The following SH3D19 variants were observed in gnomAD, a reference collection of about 807,000 sequenced individuals.
SH3D19 encodes SH3 domain containing 19.
SH3D19 carries 58 observed loss-of-function variants against 112.1 expected under a neutral mutation model. That is an observed-to-expected ratio of 0.52 (90% CI 0.42 to 0.64). The LOEUF (loss-of-function observed/expected upper bound fraction) is 0.64. Among genes scored for constraint, SH3D19 ranks in the 30% least tolerant of loss-of-function variants. The pLI is 0.00. For synonymous variants in SH3D19, 391 were observed against 448.5 expected, an observed-to-expected ratio of 0.87 and a Z score of 1.62; for missense variants, 1,090 against 1,263.4, an observed-to-expected ratio of 0.86 and a Z score of 2.08.
intron 1 of SH3D19, among the ~76,000 whole-genome samples, chr4:151,255,354 G>T (rs1296960083): frequency 1.3e-5 from 2 of 150,810 alleles, no homozygotes; most frequent in Non-Finnish European, 3.0e-5. Context: ...AGACAGGGTC[G>T]CGGCCGGGCA....
chr4:151,141,943 C>T (rs1339549224), intron 12 of SH3D19, among the ~76,000 whole-genome samples: 3 of 152,186 alleles, frequency 2.0e-5, no homozygotes, highest in Non-Finnish European at 4.4e-5. Context: ...GTATGGATAT[C>T]ACTGGCAATG....
chr4:151,164,944 C>A (rs1036691898), intron 8 of SH3D19, among the ~76,000 whole-genome samples: 4 of 152,214 alleles, frequency 2.6e-5, no homozygotes, highest in African/African-American at 7.2e-5. Flanking sequence ...CGAATTCACA[C>A]ATAGCCATAT....
At chr4:151,237,061 C>G (rs1470041551) in intron 1 of SH3D19, among the ~76,000 whole-genome samples, 1 of 152,212 alleles carries the variant, frequency 6.6e-6, no homozygotes, top group African/African-American at 2.4e-5. Flanking sequence ...AACCTTGCTG[C>G]TGCTCACCCT....
At chr4:151,307,747 G>T (rs1203475274) in intron 1 of SH3D19, among the ~76,000 whole-genome samples, 1 of 152,228 alleles carries the variant, frequency 6.6e-6, no homozygotes, top group African/African-American at 2.4e-5. Context: ...AAAGAAACAG[G>T]AAAACGTGAA....
chr4:151,220,535 G>A (rs1297946041), intron 2 of SH3D19, among the ~76,000 whole-genome samples: 6 of 152,118 alleles, frequency 3.9e-5, no homozygotes, highest in Non-Finnish European at 8.8e-5. Context: ...TGGTGGGATG[G>A]TAAAAAGAGC....
At chr4:151,260,799 C>G (rs1329738096) in intron 1 of SH3D19, among the ~76,000 whole-genome samples, 1 of 152,138 alleles carries the variant, frequency 6.6e-6, no homozygotes, top group Non-Finnish European at 1.5e-5. Flanking sequence ...CTCTTTCTCA[C>G]CCTCAAGGCC....
At chr4:151,222,403 G>A (rs1768207247) in intron 2 of SH3D19, among the ~76,000 whole-genome samples, 1 of 152,096 alleles carries the variant, frequency 6.6e-6, no homozygotes, top group Non-Finnish European at 1.5e-5. Context: ...CCTGAATTGA[G>A]ATTTATTTGC....
At chr4:151,179,525 T>C (rs1760484387) in intron 3 of SH3D19, 128 bp from the exon 4 acceptor site, 2 of 362,478 alleles carry the variant, frequency 5.5e-6, no homozygotes, top group Non-Finnish European at 9.1e-6. Flanking sequence ...AATTTTAATA[T>C]CCTTAAAAAA....
chr4:151,274,565 A>G (rs1185749189), intron 1 of SH3D19, among the ~76,000 whole-genome samples: 1 of 152,218 alleles, frequency 6.6e-6, no homozygotes, highest in Non-Finnish European at 1.5e-5. Context: ...AATGACATGG[A>G]ATTCGGTTGA....
intron 1 of SH3D19, among the ~76,000 whole-genome samples, chr4:151,318,353 AT>A (rs1420433692): frequency 6.6e-6 from 1 of 151,866 alleles, no homozygotes; most frequent in Non-Finnish European, 1.5e-5. Flanking sequence ...AAAGCTGAGC[AT>A]TATTACCAGG....
chr4:151,210,619 T>A (rs1765817182), intron 2 of SH3D19, among the ~76,000 whole-genome samples: 1 of 152,072 alleles, frequency 6.6e-6, no homozygotes, highest in Admixed American at 6.5e-5. Flanking sequence ...GCCAGGATGG[T>A]CTTGATCTCC....
rs1313297131 is a variant in SH3D19, at chr4:151,128,220, A to C, written c.2879T>G (p.Leu960Arg). The C allele has an allele frequency of 1.9e-6, 3 of 1,613,666 alleles. No individual in the cohort carries two copies. The highest frequency in any genetic ancestry group is 2.5e-6 in the Non-Finnish European group (3 of 1,179,816). ...RLDSDWCRGR[L>R]QDREGIFPAV... ...TGGGAAGATCCCCTCCCTGTCCTGC[A>C]GTCTGCCCCTGCACCAGTCAGAATC... The change falls in exon 18 of 20, where the codon CTG (leucine) becomes CGG (arginine). Residue 960 changes from leucine (L) to arginine (R), a missense_variant. By Grantham distance (102) the Leu-to-Arg change is moderately radical (BLOSUM62 -2). Transcript: ENST00000604030.
chr4:151,246,847 T>C (rs1176084872), intron 1 of SH3D19, among the ~76,000 whole-genome samples: 1 of 152,234 alleles, frequency 6.6e-6, no homozygotes, highest in Non-Finnish European at 1.5e-5. Context: ...CTGCTTATCA[T>C]AAGTAAAGAA....
intron 3 of SH3D19, among the ~76,000 whole-genome samples, chr4:151,180,833 G>A (rs914328185): frequency 4.0e-5 from 6 of 151,136 alleles, no homozygotes; most frequent in Non-Finnish European, 8.8e-5. Flanking sequence ...GCGCCATCTC[G>A]GCTCACTGCA....
chr4:151,165,562 T>C, intron 8 of SH3D19, 27 bp downstream of exon 8: 1 of 1,542,918 alleles, frequency 6.5e-7, no homozygotes, highest in Non-Finnish European at 8.9e-7. Flanking sequence ...TTGAAGAAGC[T>C]AATAAAGAAA....
intron 1 of SH3D19, among the ~76,000 whole-genome samples, chr4:151,264,304 G>A (rs1289476797): frequency 2.6e-5 from 4 of 151,330 alleles, no homozygotes; most frequent in South Asian, 4.2e-4. Context: ...GGTGGTGGGC[G>A]CCTGTAATCC....
intron 1 of SH3D19, among the ~76,000 whole-genome samples, chr4:151,256,009 A>G (rs868489860): frequency 1.6e-5 from 1 of 63,258 alleles, no homozygotes; most frequent in African/African-American, 4.9e-5. Context: ...CCGTGGAAAG[A>G]GAGGGGGAGA....
At chr4:151,126,710 A>G (rs1561187320) in intron 19 of SH3D19, among the ~76,000 whole-genome samples, 1 of 37,388 alleles carries the variant, frequency 2.7e-5, no homozygotes, top group Non-Finnish European at 1.2e-4. Flanking sequence ...GAGGCAGGAG[A>G]ATGGCGTGAA....
intron 1 of SH3D19, among the ~76,000 whole-genome samples, chr4:151,285,370 C>T (rs1774646281): frequency 6.6e-6 from 1 of 151,976 alleles, no homozygotes; most frequent in Non-Finnish European, 1.5e-5. Flanking sequence ...AAACAAGCCT[C>T]AATAAAGTTG....
Sources: allele counts gnomAD v4.1 joint callset (sites outside exome capture counted in the v4.1 genomes callset), GRCh38; gene constraint gnomAD v4.1.1; transcripts MANE v1.5; gene names NCBI Gene and HGNC (gene_info 2026-07-23, HGNC 2026-07-21).